Variants in MACROD1 observed in about 807,000 individuals in gnomAD.
MACROD1 encodes ADP-ribose glycohydrolase MACROD1.
A neutral mutation model predicts 41.4 loss-of-function variants in MACROD1; 31 were observed. The ratio of observed to expected loss-of-function variants is 0.75; its 90% CI spans 0.56 to 1.01. The LOEUF is 1.01. MACROD1 is among the 50% of genes least tolerant of loss of function. The pLI is 0.00. For missense variants in MACROD1, 473 were observed against 460.0 expected (o/e 1.03, Z -0.26); for synonymous variants, 252 against 203.4 (o/e 1.24, Z -2.03).
At chr11:63,999,093 G>A in intron 8 of MACROD1, 57 bp from the exon 9 acceptor site, 1 of 1,495,794 alleles carries the variant, frequency 6.7e-7, no homozygotes, top group South Asian at 1.3e-5. Context: ...CCAGGATCCT[G>A]TGACTGCCTG....
intron 7 of MACROD1, 50 bp downstream of exon 7, chr11:63,999,480 C>T (rs1942779081): frequency 5.1e-6 from 8 of 1,576,522 alleles, no homozygotes; most frequent in Non-Finnish European, 6.9e-6. Flanking sequence ...CCCCTCCCGG[C>T]GTCTGGGTCC....
At chr11:64,045,078 C>T (rs1387946205) in intron 3 of MACROD1, among the ~76,000 whole-genome samples, 1 of 152,218 alleles carries the variant, frequency 6.6e-6, no homozygotes, top group African/African-American at 2.4e-5. Context: ...CCTGTGCGGG[C>T]TGAGGGGGAG....
chr11:64,089,255 G>A (rs1452768672), intron 3 of MACROD1, among the ~76,000 whole-genome samples: 1 of 152,206 alleles, frequency 6.6e-6, no homozygotes, highest in East Asian at 1.9e-4. Flanking sequence ...TCTGGGTGGG[G>A]GAGCAGGGCT....
intron 3 of MACROD1, among the ~76,000 whole-genome samples, chr11:64,128,447 T>A (rs1945217942): frequency 6.6e-6 from 1 of 152,124 alleles, no homozygotes; most frequent in South Asian, 2.1e-4. Flanking sequence ...GGGCCTAGCC[T>A]GGGTGGGGCT....
At chr11:64,059,745 C>T (rs1943860718) in intron 3 of MACROD1, among the ~76,000 whole-genome samples, 1 of 152,238 alleles carries the variant, frequency 6.6e-6, no homozygotes, top group African/African-American at 2.4e-5. Flanking sequence ...AAACGCAGGC[C>T]TTCCCCTCTG....
chr11:64,000,252 G>A lies in MACROD1; in HGVS notation c.639C>T (p.Thr213=), dbSNP rs772415546. ...ACTTGGCCGGGAGCCGATAGCCGCCGGTGATCTTGGCCTTGCCAGTCTTAC... is the reference window on the plus strand; with the variant it reads ...ACTTGGCCGGGAGCCGATAGCCGCCAGTGATCTTGGCCTTGCCAGTCTTAC... The part of the protein sequence containing the change: ...QSCKTGKAKI[T]GGYRLPAKYV... Residue 213 remains threonine (T), a synonymous_variant, in exon 5 of 11, where the codon ACC becomes ACT. Transcript: ENST00000255681. The A allele has an allele frequency of 6.2e-7, 1 of 1,606,968 alleles. No homozygotes were observed. The highest frequency in any genetic ancestry group is 1.1e-5 in the South Asian group (1 of 89,774).
intron 8 of MACROD1, 82 bp downstream of exon 8, chr11:63,999,249 A>G (rs996372873): frequency 2.0e-6 from 3 of 1,500,620 alleles, no homozygotes; most frequent in African/African-American, 1.4e-5. Context: ...TGCGCTCTGC[A>G]CCCTGACTCC....
chr11:64,113,568 G>T (rs1944901621), intron 3 of MACROD1, among the ~76,000 whole-genome samples: 1 of 144,650 alleles, frequency 6.9e-6, no homozygotes, highest in Non-Finnish European at 1.5e-5. Flanking sequence ...ATGGACAGGT[G>T]GATGCATGGA....
At chr11:64,026,923 C>G (rs1019792963) in intron 3 of MACROD1, among the ~76,000 whole-genome samples, 1 of 152,228 alleles carries the variant, frequency 6.6e-6, no homozygotes, top group Admixed American at 6.5e-5. Context: ...CTGCCCCATT[C>G]CCCTTATCAG....
chr11:64,035,441 G>C (rs11231680), intron 3 of MACROD1, among the ~76,000 whole-genome samples: 3 of 152,098 alleles, frequency 2.0e-5, no homozygotes, highest in Non-Finnish European at 4.4e-5. Flanking sequence ...GGTTGAATGA[G>C]TGGGTGCGGA....
At chr11:64,124,884 T>C (rs1193013485) in intron 3 of MACROD1, among the ~76,000 whole-genome samples, 1 of 152,184 alleles carries the variant, frequency 6.6e-6, no homozygotes, top group East Asian at 1.9e-4. Flanking sequence ...TTCTCCATGT[T>C]GCTCAGACTG....
rs1428124221 is a variant in MACROD1 at position 64,122,119 on chromosome 11, T to TA, written c.517+29119dup. ...ATGTATGGAATGCTTAAGAGATTACTAAAAATAAAATCTATTAATTAGTCA... is the reference window on the plus strand; with the variant it reads ...ATGTATGGAATGCTTAAGAGATTACTAAAAAATAAAATCTATTAATTAGTCA... On this transcript the variant is annotated intron_variant, in intron 3 of 10. Transcript: ENST00000255681. This position sits in a 1 kb window ranked among gnomAD's most constrained non-coding sequence, Gnocchi z 4.0. 6.6e-6 allele frequency among the ~76,000 whole-genome samples: 1 copy of TA among 152,226 alleles called. No individual in the cohort carries two copies. Among genetic ancestry groups the TA allele is most frequent in the Non-Finnish European group, 1.5e-5 (1 of 68,028 alleles).
chr11:64,017,207 G>A lies in MACROD1; in HGVS notation c.518-1926C>T, dbSNP rs185185749. On this transcript the variant is annotated intron_variant, in intron 3 of 10. Coordinates refer to ENST00000255681, the MANE Select transcript of MACROD1 (RefSeq NM_014067.4). ...GCTGGTATCGTACTCCTGACCTCAA[G>A]TGATCCACCCGCCACGGCCTCCCAA... Among the ~76,000 whole-genome samples the A allele has an allele frequency of 5.3e-5, 8 of 152,276 alleles. No homozygotes were observed. The East Asian group carries it at 1.5e-3, about 29-fold the overall frequency.
At chr11:64,080,144 C>T (rs886658936) in intron 3 of MACROD1, among the ~76,000 whole-genome samples, 18 of 152,176 alleles carry the variant, frequency 1.2e-4, no homozygotes, top group South Asian at 1.0e-3. Flanking sequence ...TCCCGAGTAG[C>T]GGGGATTACA....
chr11:64,030,550 T>C (rs1249050138), intron 3 of MACROD1, among the ~76,000 whole-genome samples: 6 of 152,094 alleles, frequency 3.9e-5, no homozygotes, highest in Admixed American at 3.9e-4. Flanking sequence ...TGCCTGTGAT[T>C]CTAAGTCACG....
intron 3 of MACROD1, among the ~76,000 whole-genome samples, chr11:64,044,310 G>T (rs575403157): frequency 1.5e-4 from 23 of 149,600 alleles, no homozygotes; most frequent in Non-Finnish European, 7.4e-5. Flanking sequence ...GGAGTGCAGT[G>T]GTGCAATCAT....
At position 64,140,775 on chromosome 11, in the gene MACROD1, A is replaced by G. The variant is rs1408413271; in HGVS notation, c.517+10464T>C. Among the ~76,000 whole-genome samples, 5 of 152,288 alleles carry G rather than the reference A, an allele frequency of 3.3e-5. 1 individual carries two copies. In the East Asian group the frequency reaches 9.7e-4, roughly 29 times the overall value. On this transcript the variant is annotated intron_variant, in intron 3 of 10. Transcript: ENST00000255681. The stretch of plus-strand genomic sequence containing the variant: ...CTCAGAGAGGTTAAGTGATTTGCCC[A>G]AGGTCACAAAGCTGGTACACGGTGA...
rs757460111 is a variant in MACROD1, at chr11:64,152,318, A to G, written c.374T>C (p.Ile125Thr). ...FCKDFVRLKK[I>T]PTWKEMAKGV... ...TTTCGCCATCTCCTTCCATGTCGGG[A>G]TCTTCTTCAGCCTGACAAAGTCCTT... Residue 125 changes from isoleucine to threonine, a missense_variant, in exon 2 of 11, where the codon ATC becomes ACC. By Grantham distance (89) the Ile-to-Thr change is moderately conservative. Transcript: ENST00000255681. 6 of 1,614,188 alleles carry G rather than the reference A, an allele frequency of 3.7e-6. No homozygotes were observed. In the Admixed American group the frequency reaches 8.3e-5, roughly 22 times the overall value.
chr11:64,036,854 C>G lies in MACROD1; in HGVS notation c.518-21573G>C, dbSNP rs935244019. On this transcript the variant is annotated intron_variant, in intron 3 of 10. Coordinates refer to ENST00000255681, the MANE Select transcript of MACROD1 (RefSeq NM_014067.4). This position sits in a 1 kb window ranked among gnomAD's most constrained non-coding sequence, Gnocchi z 5.6. ...CTCAAGACAAGGAGGCGGCCCGACC[C>G]GGCGGCGCACGCCCCTCCTCGCGGG... Among the ~76,000 whole-genome samples, 4 of 152,164 alleles carry G rather than the reference C, an allele frequency of 2.6e-5. No individual in the cohort carries two copies. The highest frequency in any genetic ancestry group is 5.9e-5 in the Non-Finnish European group (4 of 68,020).
Sources: allele counts gnomAD v4.1 joint callset (sites outside exome capture counted in the v4.1 genomes callset), GRCh38; gene constraint gnomAD v4.1.1; non-coding constraint Gnocchi (gnomAD v3.1); transcripts MANE v1.5; gene names NCBI Gene and HGNC (gene_info 2026-07-23, HGNC 2026-07-21).